The following NRG1 variants were observed in gnomAD, a reference collection of about 807,000 sequenced individuals.
NRG1 encodes neuregulin 1, also known as pro-neuregulin-1, membrane-bound isoform.
NRG1 carries 18 observed loss-of-function variants against 63.8 expected under a neutral mutation model. The ratio of observed to expected loss-of-function variants is 0.28; its 90% CI spans 0.19 to 0.42. The LOEUF is 0.42. Among genes scored for constraint, NRG1 ranks in the 10% least tolerant of loss-of-function variants. The probability of loss-of-function intolerance (pLI) is 1.00; values close to 1 mark genes in which losing one functional copy is unlikely to be tolerated. For missense variants in NRG1, 762 were observed against 814.7 expected, an observed-to-expected ratio of 0.94 and a Z score of 0.79; for synonymous variants, 302 against 301.3, an observed-to-expected ratio of 1.00 and a Z score of -0.02.
At chr8:32,722,190 G>A (rs1820838775) in intron 5 of NRG1, 5 of 694,834 alleles carry the variant, frequency 7.2e-6, no homozygotes, top group Non-Finnish European at 1.2e-5. Context: ...CCTAAAAGCT[G>A]TGGGTGAGGA....
intron 1 of NRG1, among the ~76,000 whole-genome samples, chr8:32,376,099 G>C (rs1809588805): frequency 6.6e-6 from 1 of 152,128 alleles, no homozygotes; most frequent in African/African-American, 2.4e-5. Flanking sequence ...ACATTTAAAA[G>C]CTTATAAAAC....
chr8:32,568,186 T>A (rs1837824475), intron 1 of NRG1, among the ~76,000 whole-genome samples: 1 of 152,238 alleles, frequency 6.6e-6, no homozygotes, highest in Non-Finnish European at 1.5e-5. Context: ...ATAGAGCTCA[T>A]TCTCTCTTGA....
chr8:32,423,625 C>T (rs1192565614), intron 1 of NRG1, among the ~76,000 whole-genome samples: 2 of 151,894 alleles, frequency 1.3e-5, no homozygotes, highest in African/African-American at 4.8e-5. Flanking sequence ...CAGTCTGGGC[C>T]ACAAAGCAAG....
chr8:32,050,104 G>A (rs958012335), intron 1 of NRG1, among the ~76,000 whole-genome samples: 1 of 152,036 alleles, frequency 6.6e-6, no homozygotes, highest in South Asian at 2.1e-4. Flanking sequence ...CAAAAAATAA[G>A]GTTATTTGTA....
chr8:32,650,186 G>A (rs189337016), intron 5 of NRG1, among the ~76,000 whole-genome samples: 1 of 152,204 alleles, frequency 6.6e-6, no homozygotes, highest in East Asian at 1.9e-4. Context: ...TTTCTACTAA[G>A]TGTTTTAGTA....
intron 1 of NRG1, among the ~76,000 whole-genome samples, chr8:31,690,965 C>T (rs1368390615): frequency 6.6e-6 from 1 of 152,054 alleles, no homozygotes; most frequent in Non-Finnish European, 1.5e-5. Flanking sequence ...GAGCCATCAG[C>T]ACATAATAGA....
At chr8:31,896,814 A>G (rs545658590) in intron 1 of NRG1, among the ~76,000 whole-genome samples, 6 of 152,276 alleles carry the variant, frequency 3.9e-5, no homozygotes, top group African/African-American at 9.6e-5. Context: ...TTGTTACTCT[A>G]TGCTTTCAAG....
intron 1 of NRG1, among the ~76,000 whole-genome samples, chr8:32,389,555 T>C (rs777494961): frequency 6.6e-6 from 1 of 152,162 alleles, no homozygotes; most frequent in Admixed American, 6.5e-5. Context: ...TAATATCTCT[T>C]GAATCAGTAT....
intron 1 of NRG1, among the ~76,000 whole-genome samples, chr8:32,467,727 G>C (rs960333964): frequency 2.0e-5 from 3 of 152,158 alleles, no homozygotes; most frequent in African/African-American, 7.2e-5. Flanking sequence ...AAGTGGGTGA[G>C]AACCACAGGA....
chr8:31,934,920 T>C (rs569131751), intron 1 of NRG1, among the ~76,000 whole-genome samples: 31 of 152,262 alleles, frequency 2.0e-4, no homozygotes, highest in African/African-American at 7.5e-4. Flanking sequence ...AATGAAAATA[T>C]CTTGACAAGG....
At chr8:31,717,412 TAAA>T (rs34835652) in intron 1 of NRG1, among the ~76,000 whole-genome samples, 111 of 126,240 alleles carry the variant, frequency 8.8e-4, no homozygotes, top group Admixed American at 9.8e-4. Flanking sequence ...ATCTCGACAT[TAAA>T]AAAAAAAAAA....
chr8:32,083,275 G>A (rs917497684), intron 1 of NRG1, among the ~76,000 whole-genome samples: 1 of 152,182 alleles, frequency 6.6e-6, no homozygotes, highest in Non-Finnish European at 1.5e-5. Context: ...TCTTTTTAAT[G>A]AAGTATCAAA....
chr8:31,686,597 A>G (rs1021895979), intron 1 of NRG1, among the ~76,000 whole-genome samples: 1 of 152,118 alleles, frequency 6.6e-6, no homozygotes, highest in Non-Finnish European at 1.5e-5. Flanking sequence ...TTAATATTTT[A>G]AAGTTTTAGG....
chr8:32,419,903 T>A (rs1440886913), intron 1 of NRG1, among the ~76,000 whole-genome samples: 1 of 152,152 alleles, frequency 6.6e-6, no homozygotes, highest in African/African-American at 2.4e-5. Flanking sequence ...TTGCTCATTG[T>A]CCCTTCACAC....
chr8:31,811,706 T>A (rs1203684224), intron 1 of NRG1, among the ~76,000 whole-genome samples: 9 of 152,188 alleles, frequency 5.9e-5, no homozygotes, highest in Admixed American at 5.9e-4. Flanking sequence ...GGACCATGCC[T>A]TTGATCAGAA....
chr8:32,334,755 TTAA>T (rs1803049119), intron 1 of NRG1, among the ~76,000 whole-genome samples: 1 of 152,226 alleles, frequency 6.6e-6, no homozygotes, highest in Non-Finnish European at 1.5e-5. Flanking sequence ...AAATTGGTTA[TTAA>T]TGTTTTGATA....
intron 1 of NRG1, among the ~76,000 whole-genome samples, chr8:32,195,545 A>T (rs1294361023): frequency 1.3e-5 from 2 of 152,098 alleles, no homozygotes; most frequent in Admixed American, 6.5e-5. Flanking sequence ...TAATTCTCAT[A>T]TATTGCATAT....
chr8:32,041,637 G>A (rs1480931998), intron 1 of NRG1, among the ~76,000 whole-genome samples: 1 of 152,150 alleles, frequency 6.6e-6, no homozygotes, highest in Non-Finnish European at 1.5e-5. Context: ...CTCTCAGGAC[G>A]AGAAAGTAGG....
chr8:31,708,495 G>A (rs1811383535), intron 1 of NRG1, among the ~76,000 whole-genome samples: 1 of 149,254 alleles, frequency 6.7e-6, no homozygotes, highest in Admixed American at 6.7e-5. Context: ...GCCCAGGCTG[G>A]AGTGCAGTGG....
Sources: gnomAD v4.1 joint callset for allele counts (sites outside exome capture counted in the v4.1 genomes callset) on GRCh38, gnomAD v4.1.1 for gene constraint, MANE v1.5 for transcripts, NCBI Gene and HGNC (gene_info 2026-07-23, HGNC 2026-07-21) for gene names.